Variants in ELP1 observed in about 807,000 individuals in gnomAD.
ELP1 encodes elongator complex protein 1.
A neutral mutation model predicts 183.2 loss-of-function variants in ELP1; 131 were observed. That is an observed-to-expected ratio of 0.72 (90% CI 0.62 to 0.83). The LOEUF is 0.83. Among genes scored for constraint, ELP1 ranks in the 40% least tolerant of loss-of-function variants. ELP1 has a pLI of 0.00. For missense variants in ELP1, 1,550 were observed against 1,594.9 expected (o/e 0.97, Z 0.48); for synonymous variants, 555 against 569.0 (o/e 0.98, Z 0.35).
At chr9:108,881,983 C>T (rs1015755882) in intron 30 of ELP1, 142 bp downstream of exon 30, 73 of 719,134 alleles carry the variant, frequency 1.0e-4, no homozygotes, top group Non-Finnish European at 1.5e-4. Flanking sequence ...TTAAAAACAC[C>T]GCTTTTCCTT....
chr9:108,872,294 A>G (rs1467976096), intron 36 of ELP1, among the ~76,000 whole-genome samples: 1 of 152,232 alleles, frequency 6.6e-6, no homozygotes, highest in Non-Finnish European at 1.5e-5. Flanking sequence ...GGAGGTAGCT[A>G]CAAAATTATT....
chr9:108,914,405 A>G (rs1325218852), intron 10 of ELP1, among the ~76,000 whole-genome samples: 5 of 125,120 alleles, frequency 4.0e-5, no homozygotes. Context: ...CTCCAAAAAA[A>G]AAAAAAAAGG....
In ELP1 at chr9:108,893,027, C is replaced by T. The variant is rs767461304; in HGVS notation, c.2917G>A (p.Glu973Lys). 4.3e-6 allele frequency: 7 copies of T among 1,613,650 alleles called. No individual in the cohort carries two copies. The highest frequency in any genetic ancestry group is 1.7e-5 in the Admixed American group (1 of 59,996). The part of the protein sequence containing the change: ...NLIKDKNLYN[E>K]ALKLYSPSSQ... ...CTTGGTGAATATAACTTCAGAGCTT[C>T]GTTATACAAGTTTTTATCTTTTATC... Residue 973 changes from glutamate to lysine, a missense_variant, in exon 27 of 37, where the codon GAA becomes AAA. Coordinates refer to ENST00000374647, the MANE Select transcript of ELP1 (RefSeq NM_003640.5).
In ELP1 at chr9:108,893,037, G is replaced by A; in HGVS notation, c.2907C>T (p.Asn969=). 2 of 1,613,926 alleles carry A rather than the reference G, an allele frequency of 1.2e-6. No individual in the cohort carries two copies. The highest frequency in any genetic ancestry group is 1.7e-6 in the Non-Finnish European group (2 of 1,179,854). ...ATAACTTCAGAGCTTCGTTATACAAGTTTTTATCTTTTATCAAGTTTAAGC... is the reference window on the plus strand; with the variant it reads ...ATAACTTCAGAGCTTCGTTATACAAATTTTTATCTTTTATCAAGTTTAAGC... ...PECLNLIKDK[N]LYNEALKLYS... Residue 969 remains asparagine, a synonymous_variant, in exon 27 of 37, where the codon AAC becomes AAT. Transcript: ENST00000374647.
At chr9:108,881,487 G>C (rs1428420190) in intron 31 of ELP1, among the ~76,000 whole-genome samples, 1 of 152,074 alleles carries the variant, frequency 6.6e-6, no homozygotes, top group African/African-American at 2.4e-5. Flanking sequence ...AATCATATTT[G>C]ATCACAGGTT....
intron 2 of ELP1, among the ~76,000 whole-genome samples, chr9:108,930,772 A>T (rs1454839388): frequency 1.3e-5 from 2 of 152,194 alleles, no homozygotes; most frequent in Admixed American, 6.5e-5. Flanking sequence ...ACACTCAAAA[A>T]GTAAGGTCAG....
At chr9:108,933,126 T>C (rs1830053858) in intron 1 of ELP1, among the ~76,000 whole-genome samples, 1 of 152,210 alleles carries the variant, frequency 6.6e-6, no homozygotes, top group African/African-American at 2.4e-5. Flanking sequence ...ATCACAAGCA[T>C]GTCTCACATG....
chr9:108,880,077 C>T lies in ELP1; in HGVS notation c.3435G>A (p.Lys1145=). The T allele has an allele frequency of 6.2e-7, 1 of 1,613,968 alleles. No individual in the cohort carries two copies. The highest frequency in any genetic ancestry group is 8.5e-7 in the Non-Finnish European group (1 of 1,179,802). ...CCAGACCTGCCTGCTGGGCTTGCTCCTTGAGCTCTCGAACTACCAATAAAC... is the reference window on the plus strand; with the variant it reads ...CCAGACCTGCCTGCTGGGCTTGCTCTTTGAGCTCTCGAACTACCAATAAAC... The part of the protein sequence containing the change: ...KKRLLVVREL[K]EQAQQAGLDD... Residue 1145 remains lysine, a synonymous_variant, in exon 32 of 37, where the codon AAG becomes AAA. Coordinates refer to ENST00000374647, the MANE Select transcript of ELP1 (RefSeq NM_003640.5).
intron 8 of ELP1, 148 bp from the exon 9 acceptor site, chr9:108,917,818 T>C (rs1029135160): frequency 1.8e-5 from 16 of 908,368 alleles, no homozygotes; most frequent in East Asian, 2.5e-5. Flanking sequence ...TTAAATCCCA[T>C]GTGTCCCTTG....
At position 108,926,552 on chromosome 9, in the gene ELP1, T is replaced by C; in HGVS notation, c.437A>G (p.Gln146Arg). The change falls in exon 5 of 37, where the codon CAG (glutamine) becomes CGG (arginine). Residue 146 changes from glutamine (Q) to arginine (R), a missense_variant. By Grantham distance (43) the Gln-to-Arg change is conservative. Coordinates refer to ENST00000374647, the MANE Select transcript of ELP1 (RefSeq NM_003640.5). ...ACCAAAATCATCCTGATGGATCTGCTGCTCCAGGATTGGCTCAAAATCTTT... is the reference window on the plus strand; with the variant it reads ...ACCAAAATCATCCTGATGGATCTGCCGCTCCAGGATTGGCTCAAAATCTTT... ...MTKDFEPILE[Q>R]QIHQDDFGES... 3.7e-6 allele frequency: 6 copies of C among 1,613,244 alleles called. No individual in the cohort carries two copies. The highest frequency in any genetic ancestry group is 5.1e-6 in the Non-Finnish European group (6 of 1,179,838).
intron 36 of ELP1, among the ~76,000 whole-genome samples, chr9:108,870,124 C>T (rs534796199): frequency 7.3e-4 from 111 of 152,162 alleles, no homozygotes; most frequent in African/African-American, 2.5e-3. Flanking sequence ...TACAAGTGTA[C>T]ACCACCATAC....
At chr9:108,889,945 G>A (rs1366667034) in intron 28 of ELP1, among the ~76,000 whole-genome samples, 2 of 152,154 alleles carry the variant, frequency 1.3e-5, no homozygotes, top group Non-Finnish European at 2.9e-5. Flanking sequence ...GCTCTCTTGT[G>A]TAAACTGCCT....
chr9:108,875,320 T>C (rs1158565709), intron 35 of ELP1, among the ~76,000 whole-genome samples: 2 of 152,236 alleles, frequency 1.3e-5, no homozygotes, highest in East Asian at 3.8e-4. Flanking sequence ...GTATCAATTA[T>C]ACGCAAAGAG....
intron 29 of ELP1, among the ~76,000 whole-genome samples, chr9:108,885,341 T>C (rs181392804): frequency 1.3e-5 from 2 of 152,184 alleles, no homozygotes; most frequent in Non-Finnish European, 2.9e-5. Flanking sequence ...GACATCACCA[T>C]AGACCCTACG....
Position 108,899,881 on chromosome 9 carries a change from GT to G in ELP1, c.2144del (p.Asn715ThrfsTer2). On this transcript the variant is annotated frameshift_variant, in exon 20 of 37. Coordinates refer to ENST00000374647, the MANE Select transcript of ELP1 (RefSeq NM_003640.5). LOFTEE classifies it high-confidence loss of function. The stretch of plus-strand genomic sequence containing the variant: ...GGGCTCGATGATGAACAACTTCTAA[GT>G]TTCCCCTTGGCATCTTAAATAAATT... ...TKLVLQMPRG[N>X]LEVVHHRALV... 2 of 1,613,934 alleles carry G rather than the reference GT, an allele frequency of 1.2e-6. No homozygotes were observed. The highest frequency in any genetic ancestry group is 2.2e-5 in the South Asian group (2 of 91,074).
chr9:108,899,675 A>C (rs1464307683), intron 20 of ELP1, 147 bp downstream of exon 20: 3 of 664,510 alleles, frequency 4.5e-6, no homozygotes, highest in Non-Finnish European at 7.7e-6. Flanking sequence ...GTTAAAAAAA[A>C]AAAAAAGAGC....
chr9:108,906,555 A>C, intron 13 of ELP1, 70 bp from the exon 14 acceptor site: 2 of 1,326,418 alleles, frequency 1.5e-6, no homozygotes, highest in Non-Finnish European at 2.2e-6. Context: ...TTCCTGGATG[A>C]AGGAAGACTG....
chr9:108,901,834 T>C (rs979543807), intron 16 of ELP1, among the ~76,000 whole-genome samples, 153 bp from the exon 17 acceptor site: 2 of 152,214 alleles, frequency 1.3e-5, no homozygotes, highest in Non-Finnish European at 2.9e-5. Context: ...GCTGGTCCAG[T>C]GCAAAATGGA....
intron 27 of ELP1, among the ~76,000 whole-genome samples, chr9:108,891,810 C>T (rs1199815331): frequency 1.3e-5 from 2 of 152,148 alleles, no homozygotes; most frequent in African/African-American, 4.8e-5. Context: ...CTCCTTGCAG[C>T]TCTCAGGGAG....
Sources: allele counts gnomAD v4.1 joint callset (sites outside exome capture counted in the v4.1 genomes callset), GRCh38; gene constraint gnomAD v4.1.1; transcripts MANE v1.5; gene names NCBI Gene and HGNC (gene_info 2026-07-23, HGNC 2026-07-21).